ARHGAP26: variants seen among roughly 807,000 people sequenced by gnomAD.
The protein encoded by ARHGAP26 is rho GTPase-activating protein 26.
Under a neutral mutation model 104.8 loss-of-function variants are expected in ARHGAP26, and 38 were observed. The observed-to-expected ratio is 0.36, with a 90% CI of 0.28 to 0.48. ARHGAP26 has a LOEUF of 0.48. ARHGAP26 is among the 20% of genes least tolerant of loss of function. The pLI is 0.99. For synonymous variants in ARHGAP26, 341 were observed against 340.0 expected, an observed-to-expected ratio of 1.00 and a Z score of -0.03; for missense variants, 704 against 947.9, an observed-to-expected ratio of 0.74 and a Z score of 3.38.
chr5:142,821,579 A>G (rs879772158), intron 1 of ARHGAP26, among the ~76,000 whole-genome samples: 1 of 152,046 alleles, frequency 6.6e-6, no homozygotes, highest in Non-Finnish European at 1.5e-5. Context: ...CAGCACCATC[A>G]ACATCGTCTG....
At chr5:143,150,607 G>C (rs562879131) in intron 20 of ARHGAP26, among the ~76,000 whole-genome samples, 1 of 152,198 alleles carries the variant, frequency 6.6e-6, no homozygotes, top group East Asian at 1.9e-4. Flanking sequence ...GGGGAGGAGG[G>C]AGCTGGAATT....
chr5:143,190,746 A>C (rs1805812837), intron 20 of ARHGAP26, among the ~76,000 whole-genome samples: 1 of 152,254 alleles, frequency 6.6e-6, no homozygotes, highest in African/African-American at 2.4e-5. Flanking sequence ...CACTGGGAAA[A>C]TATATTTGCA....
chr5:143,134,097 CAG>C lies in ARHGAP26; in HGVS notation c.1833_1834del (p.Lys612ThrfsTer24). 1 of 1,609,532 alleles carries C rather than the reference CAG, an allele frequency of 6.2e-7. No individual in the cohort carries two copies. Among genetic ancestry groups the C allele is most frequent in the Non-Finnish European group, 8.5e-7 (1 of 1,177,538 alleles). On this transcript the variant is annotated frameshift_variant, in exon 19 of 23. Transcript: ENST00000645722. LOFTEE classifies it high-confidence loss of function. ...ACGCTCTTCCACACCGTTCAGTCAACAGAGAAACGTGAGTCTTTGCTGCATAG... is the reference window on the plus strand; with the variant it reads ...ACGCTCTTCCACACCGTTCAGTCAACAGAAACGTGAGTCTTTGCTGCATAG...
chr5:143,089,079 C>T (rs920633258), intron 17 of ARHGAP26, among the ~76,000 whole-genome samples: 5 of 152,190 alleles, frequency 3.3e-5, no homozygotes, highest in South Asian at 2.1e-4. Flanking sequence ...AACATACTGA[C>T]GTACTGATTC....
intron 17 of ARHGAP26, among the ~76,000 whole-genome samples, chr5:143,099,626 C>T (rs1326473124): frequency 6.6e-6 from 1 of 152,212 alleles, no homozygotes; most frequent in Non-Finnish European, 1.5e-5. Context: ...CTTGTATACT[C>T]ACTCTGTGTG....
In ARHGAP26 at chr5:143,007,193, C is replaced by CA. The variant is rs1562248543; in HGVS notation, c.1108-6887_1108-6886insA. On this transcript the variant is annotated intron_variant, in intron 11 of 22. Transcript: ENST00000645722. ...CTGGTTGACAGCAAGACTCTGTCTCCGAAAAAAAAAAAAAAAAAAAAAAGT... is the reference window on the plus strand; with the variant it reads ...CTGGTTGACAGCAAGACTCTGTCTCCAGAAAAAAAAAAAAAAAAAAAAAAGT... Among the ~76,000 whole-genome samples, 71 of 115,294 alleles carry CA rather than the reference C, an allele frequency of 6.2e-4. 2 individuals carry two copies. Among genetic ancestry groups the CA allele is most frequent in the South Asian group, 2.5e-3 (8 of 3,214 alleles). 75.6% of individuals were successfully genotyped at this position (115,294 alleles called of 152,430 possible).
In ARHGAP26 at chr5:143,053,117, G is replaced by T. The variant is rs546965345; in HGVS notation, c.1286-1322G>T. The stretch of plus-strand genomic sequence containing the variant: ...TTGTCGGACTTTCAGGCTCTGTGTG[G>T]TGGCACCTGGCAGTTACATAACCTC... On this transcript the variant is annotated intron_variant, in intron 14 of 22. Coordinates refer to ENST00000645722, the MANE Select transcript of ARHGAP26 (RefSeq NM_001135608.3). Among the ~76,000 whole-genome samples, 10 of 152,276 alleles carry T rather than the reference G, an allele frequency of 6.6e-5. No individual in the cohort carries two copies. In the East Asian group the frequency reaches 1.9e-3, roughly 29 times the overall value.
intron 1 of ARHGAP26, among the ~76,000 whole-genome samples, chr5:142,837,910 A>G (rs911146338): frequency 6.6e-6 from 1 of 152,114 alleles, no homozygotes; most frequent in Non-Finnish European, 1.5e-5. Context: ...CAGATCTTTC[A>G]TTTTTCCCTG....
chr5:143,105,291 C>T (rs1435367781), intron 17 of ARHGAP26, among the ~76,000 whole-genome samples: 3 of 151,970 alleles, frequency 2.0e-5, no homozygotes, highest in African/African-American at 7.3e-5. Context: ...GCAGGAGAAT[C>T]GCTTGAACCC....
intron 20 of ARHGAP26, among the ~76,000 whole-genome samples, chr5:143,154,552 G>T (rs777488753): frequency 5.3e-5 from 8 of 152,108 alleles, no homozygotes; most frequent in Non-Finnish European, 1.2e-4. Context: ...AATGTCCCAG[G>T]CTGTCCCACT....
At chr5:143,129,526 A>G (rs1797089476) in intron 18 of ARHGAP26, among the ~76,000 whole-genome samples, 1 of 152,326 alleles carries the variant, frequency 6.6e-6, no homozygotes, top group South Asian at 2.1e-4. Context: ...AATAGTAGCT[A>G]TAAAGACCAC....
At chr5:143,043,136 G>A (rs1783716488) in intron 14 of ARHGAP26, among the ~76,000 whole-genome samples, 1 of 152,156 alleles carries the variant, frequency 6.6e-6, no homozygotes, top group Admixed American at 6.6e-5. Flanking sequence ...TAGTCAAGAT[G>A]CAGAACACTT....
intron 11 of ARHGAP26, among the ~76,000 whole-genome samples, chr5:143,005,679 G>C (rs1239651303): frequency 2.6e-5 from 4 of 152,138 alleles, no homozygotes; most frequent in African/African-American, 9.7e-5. Context: ...TATCCACAAG[G>C]TACAAAGCAA....
intron 1 of ARHGAP26, among the ~76,000 whole-genome samples, chr5:142,845,728 G>A (rs965428331): frequency 3.9e-5 from 6 of 152,048 alleles, no homozygotes; most frequent in African/African-American, 9.7e-5. Context: ...GATAACTGGC[G>A]GCCCTGTCTT....
chr5:142,799,081 C>T (rs973396562), intron 1 of ARHGAP26, among the ~76,000 whole-genome samples: 26 of 152,110 alleles, frequency 1.7e-4, no homozygotes, highest in African/African-American at 5.8e-4. Flanking sequence ...TAACAGACAT[C>T]GCTAATTTGG....
chr5:142,875,846 T>G (rs1414539418), intron 3 of ARHGAP26, among the ~76,000 whole-genome samples: 1 of 152,170 alleles, frequency 6.6e-6, no homozygotes, highest in African/African-American at 2.4e-5. Context: ...GCTCAAGCGA[T>G]CCTCCTGCTT....
chr5:143,015,062 G>A (rs1562264617), intron 12 of ARHGAP26, among the ~76,000 whole-genome samples: 1 of 151,900 alleles, frequency 6.6e-6, no homozygotes, highest in African/African-American at 2.4e-5. Flanking sequence ...TTACCCAGGA[G>A]TTTTGTATGA....
intron 1 of ARHGAP26, among the ~76,000 whole-genome samples, chr5:142,849,859 C>T (rs1751171868): frequency 1.3e-5 from 2 of 152,146 alleles, no homozygotes; most frequent in East Asian, 1.9e-4. Flanking sequence ...TGTTGCTGTC[C>T]CCGTCATCCA....
chr5:142,902,165 C>T lies in ARHGAP26; in HGVS notation c.702+126C>T, dbSNP rs564190494. Reference sequence around the variant, plus strand: ...GAGGAGGGTGGGTCTTGCTTGGGTTCAGAGGGAAACTAGGGGCAGGCGTTT... The same window carrying T: ...GAGGAGGGTGGGTCTTGCTTGGGTTTAGAGGGAAACTAGGGGCAGGCGTTT... On this transcript the variant is annotated intron_variant, in intron 7 of 22. Transcript: ENST00000645722. 3.4e-5 allele frequency: 24 copies of T among 715,546 alleles called. No homozygotes were observed. In the African/African-American group the frequency reaches 3.9e-4, roughly 12 times the overall value. The allele number at this position is 715,546 out of a possible 1,614,324, so 44.3% of individuals were successfully genotyped here. A position where few individuals can be genotyped will look rare whatever the true frequency, so the allele number is the denominator to read the frequency against.
Sources: allele counts gnomAD v4.1 joint callset (sites outside exome capture counted in the v4.1 genomes callset), GRCh38; gene constraint gnomAD v4.1.1; transcripts MANE v1.5; gene names NCBI Gene and HGNC (gene_info 2026-07-23, HGNC 2026-07-21).